The following PIGN variants were observed in gnomAD, a reference collection of about 807,000 sequenced individuals.
The protein encoded by PIGN is GPI ethanolamine phosphate transferase 1.
A neutral mutation model predicts 125.4 loss-of-function variants in PIGN; 117 were observed. That is an observed-to-expected ratio of 0.93 (90% CI 0.80 to 1.09). The LOEUF (loss-of-function observed/expected upper bound fraction) is 1.09. Ranked by LOEUF, PIGN falls within the 50% of genes least tolerant of loss-of-function variation. The pLI is 0.00. For synonymous variants in PIGN, 392 were observed against 377.8 expected (o/e 1.04, Z -0.44); for missense variants, 1,075 against 1,094.9 (o/e 0.98, Z 0.26).
chr18:62,156,750 A>G (rs2036749731), intron 6 of PIGN, among the ~76,000 whole-genome samples: 1 of 152,240 alleles, frequency 6.6e-6, no homozygotes, highest in Non-Finnish European at 1.5e-5. Flanking sequence ...TATGCTAAAT[A>G]TTTCACATGA....
intron 1 of PIGN, among the ~76,000 whole-genome samples, chr18:62,165,916 G>C (rs926608411): frequency 6.6e-6 from 1 of 152,014 alleles, no homozygotes; most frequent in East Asian, 1.9e-4. Context: ...GGGAGGTGAG[G>C]GAGTGAGAGT....
At chr18:62,123,594 G>A (rs545917135) in intron 14 of PIGN, 2 of 152,230 alleles carry the variant, frequency 1.3e-5, no homozygotes, top group Admixed American at 1.3e-4. Context: ...ATATTAGAAA[G>A]CAGTTGTACA....
chr18:62,037,119 T>C (rs2163519), downstream of PIGN, among the ~76,000 whole-genome samples: 50,969 of 152,074 alleles, frequency 0.34, 9,459 homozygotes, highest in East Asian at 0.63. Flanking sequence ...ATTCCACTCA[T>C]GTGACCTAAG....
intron 30 of PIGN, among the ~76,000 whole-genome samples, chr18:62,064,370 A>T (rs990486690): frequency 1.3e-5 from 2 of 152,244 alleles, no homozygotes; most frequent in Non-Finnish European, 2.9e-5. Flanking sequence ...CTGATGAAGT[A>T]GCTATCTGTC....
chr18:62,024,027 G>A (rs2030085098), intron 23 of PIGN, among the ~76,000 whole-genome samples: 1 of 152,206 alleles, frequency 6.6e-6, no homozygotes, highest in South Asian at 2.1e-4. Context: ...GGGAAGTAAG[G>A]ATGCCCTATT....
At chr18:62,109,309 G>A (rs1468902058) in intron 17 of PIGN, among the ~76,000 whole-genome samples, 4 of 152,120 alleles carry the variant, frequency 2.6e-5, no homozygotes, top group African/African-American at 9.7e-5. Context: ...CTTACAGGTA[G>A]AACCACAGCA....
intron 30 of PIGN, among the ~76,000 whole-genome samples, chr18:62,059,609 G>T (rs1031412426): frequency 4.6e-5 from 7 of 152,162 alleles, no homozygotes; most frequent in African/African-American, 1.7e-4. Flanking sequence ...CAAATCTGTA[G>T]AGACAGAAAG....
intron 23 of PIGN, among the ~76,000 whole-genome samples, chr18:62,093,853 C>CTGTGTTTTGCAAAAG (rs1271232547): frequency 1.3e-5 from 2 of 152,056 alleles, no homozygotes; most frequent in Admixed American, 6.6e-5. Context: ...TTTTGCAAAA[C>CTGTGTTTTGCAAAAG]TGATTTGACA....
At chr18:62,100,975 A>G in intron 22 of PIGN, 100 bp downstream of exon 22, 2 of 702,758 alleles carry the variant, frequency 2.8e-6, no homozygotes, top group South Asian at 3.3e-5. Flanking sequence ...CCTGCAATAA[A>G]ATTATTTCTT....
intron 28 of PIGN, 124 bp downstream of exon 28, chr18:62,082,549 A>G (rs2033496416): frequency 3.8e-6 from 2 of 521,856 alleles, no homozygotes; most frequent in South Asian, 3.7e-5. Context: ...AAATTTTCTC[A>G]TTTTTGTAAT....
Position 62,074,825 on chromosome 18 carries a change from G to A in PIGN, c.2577-4C>T, listed in dbSNP as rs1599458943. ...GACGAGAACAATGAGAAAAAGGCTG[G>A]AAAAAAAAAGAAGGAAAAATTACAT... On this transcript the variant is annotated splice_polypyrimidine_tract_variant and splice_region_variant and intron_variant, in intron 28 of 30. Transcript: ENST00000640252. The A allele has an allele frequency of 6.4e-7, 1 of 1,573,916 alleles. No individual in the cohort carries two copies. Among genetic ancestry groups the A allele is most frequent in the South Asian group, 1.1e-5 (1 of 87,474 alleles).
Position 62,157,799 on chromosome 18 carries a change from T to C in PIGN, c.231A>G (p.Ile77Met). The C allele has an allele frequency of 6.2e-7, 1 of 1,610,652 alleles. No individual in the cohort carries two copies. The highest frequency in any genetic ancestry group is 8.5e-7 in the Non-Finnish European group (1 of 1,177,950). ...NSRAPFIRNI[I>M]MHEGSWGISH... ...ATATGCCCCAGCTGCCTTCATGCAT[T>C]ATGATATTCCTAAAAGATATTAAAG... The change falls in exon 5 of 31, where the codon ATA becomes ATG. Residue 77 changes from isoleucine (I) to methionine (M), a missense_variant. Ile to Met is a conservative substitution (Grantham distance 10, BLOSUM62 1). Transcript: ENST00000640252.
In PIGN at chr18:62,026,061, C is replaced by T. The variant is rs535003844; in HGVS notation, c.2143-8320G>A. Among the ~76,000 whole-genome samples the T allele has an allele frequency of 1.4e-4, 21 of 152,250 alleles. No individual in the cohort carries two copies. The South Asian group carries it at 2.7e-3, about 20-fold the overall frequency. Reference sequence around the variant, plus strand: ...GTCCCTCCTGAGCCTCCATAGCACCCGGGACACATTTATTTGTAATATCAC... The same window carrying T: ...GTCCCTCCTGAGCCTCCATAGCACCTGGGACACATTTATTTGTAATATCAC... On this transcript the variant is annotated intron_variant, in intron 23 of 24. Coordinates refer to the PIGN transcript ENST00000639600.
rs190860778 is a variant in PIGN at position 62,080,792 on chromosome 18, C to T, written c.2576+1881G>A. On this transcript the variant is annotated intron_variant, in intron 28 of 30. Coordinates refer to ENST00000640252, the MANE Select transcript of PIGN (RefSeq NM_176787.5). ...CTCCAGACTCCATGTGACGTGAGGACATAAATCTCTATTTCTCTGAGCTAC... is the reference window on the plus strand; with the variant it reads ...CTCCAGACTCCATGTGACGTGAGGATATAAATCTCTATTTCTCTGAGCTAC... 2.3e-3 allele frequency among the ~76,000 whole-genome samples: 355 copies of T among 152,196 alleles called. 1 individual carries two copies. Among genetic ancestry groups the T allele is most frequent in the Non-Finnish European group, 4.3e-3 (293 of 67,986 alleles).
chr18:62,125,366 T>C (rs895588412), intron 14 of PIGN, among the ~76,000 whole-genome samples: 4 of 152,098 alleles, frequency 2.6e-5, no homozygotes, highest in Non-Finnish European at 5.9e-5. Flanking sequence ...TAAACATTAT[T>C]CTAAGACATA....
rs575496881 is a variant in PIGN, at chr18:62,139,034, G to C, written c.1065C>G (p.Phe355Leu). ...PVDYLNNTDL[F>L]KAESMFTNAV... ...CATTTGTAAACATGCTCTCTGCTTT[G>C]AAGAGATCAGTGTTGTTAAGATAAT... Residue 355 changes from phenylalanine to leucine, a missense_variant, in exon 13 of 31, where the codon TTC becomes TTG. Physicochemically the swap from Phe to Leu is conservative, Grantham distance 22. Transcript: ENST00000640252. 2 of 1,608,428 alleles carry C rather than the reference G, an allele frequency of 1.2e-6. No individual in the cohort carries two copies. The highest frequency in any genetic ancestry group is 2.2e-5 in the South Asian group (2 of 90,238).
chr18:62,125,430 G>A (rs1476884158), intron 14 of PIGN, among the ~76,000 whole-genome samples: 1 of 151,990 alleles, frequency 6.6e-6, no homozygotes, highest in Non-Finnish European at 1.5e-5. Flanking sequence ...TAGTAGACAT[G>A]TTATTATTGT....
At position 62,029,639 on chromosome 18, in the gene PIGN, G is replaced by A. The variant is rs550788446; in HGVS notation, c.2143-11898C>T. On this transcript the variant is annotated intron_variant, in intron 23 of 24. Coordinates refer to the PIGN transcript ENST00000639600. ...CAGGAGTAAAGCCAGAACTTCCAAT[G>A]GCCACTCAGAAAAGCAACGACATAA... Among the ~76,000 whole-genome samples the A allele has an allele frequency of 2.6e-5, 4 of 152,212 alleles. No individual in the cohort carries two copies. The South Asian group carries it at 8.3e-4, about 32-fold the overall frequency.
chr18:62,180,194 A>G (rs936723622), intron 1 of PIGN, among the ~76,000 whole-genome samples: 1 of 152,248 alleles, frequency 6.6e-6, no homozygotes, highest in Non-Finnish European at 1.5e-5. Flanking sequence ...AATACAGTAC[A>G]ATAGGATTGG....
Sources: gnomAD v4.1 joint callset for allele counts (sites outside exome capture counted in the v4.1 genomes callset) on GRCh38, gnomAD v4.1.1 for gene constraint, MANE v1.5 for transcripts, NCBI Gene and HGNC (gene_info 2026-07-23, HGNC 2026-07-21) for gene names.